Variants in RABL3 observed in about 807,000 individuals in gnomAD.
RABL3 encodes RAB, member of RAS oncogene family like 3.
A neutral mutation model predicts 31.8 loss-of-function variants in RABL3; 31 were observed. The observed-to-expected ratio is 0.97, with a 90% confidence interval of 0.73 to 1.31. RABL3 has a LOEUF of 1.31. Among genes scored for constraint, RABL3 ranks in the 40% most tolerant of loss-of-function variants. The pLI is 0.00. For synonymous variants in RABL3, 97 were observed against 99.9 expected (o/e 0.97, Z 0.18); for missense variants, 263 against 279.6 (o/e 0.94, Z 0.42).
At chr3:120,724,398 C>T (rs1008895429) in intron 2 of RABL3, among the ~76,000 whole-genome samples, 14 of 152,258 alleles carry the variant, frequency 9.2e-5, no homozygotes, top group Middle Eastern at 3.4e-3. Context: ...AGATTCAATG[C>T]CATCCCCATC....
Position 120,690,488 on chromosome 3 carries a change from C to T in RABL3, c.607-1G>A. On this transcript the variant is annotated splice_acceptor_variant, in intron 6 of 7. Coordinates refer to ENST00000273375, the MANE Select transcript of RABL3 (RefSeq NM_173825.5). LOFTEE classifies it high-confidence loss of function. ...TTAAAAAGTATCTCTTCTCTATGAC[C>T]TGTGAAAAACAAAGATTTTAAAGGC... 6.2e-7 allele frequency: 1 copy of T among 1,603,274 alleles called. No homozygotes were observed. The highest frequency in any genetic ancestry group is 8.5e-7 in the Non-Finnish European group (1 of 1,170,800).
At chr3:120,726,225 A>G (rs760770839) in intron 2 of RABL3, among the ~76,000 whole-genome samples, 12 of 152,168 alleles carry the variant, frequency 7.9e-5, no homozygotes, top group Non-Finnish European at 1.3e-4. Flanking sequence ...GGTAAGGTGC[A>G]TTTTATAACA....
At position 120,709,853 on chromosome 3, in the gene RABL3, C is replaced by T. The variant is rs1406573606; in HGVS notation, c.195G>A (p.Trp65Ter). 1.9e-6 allele frequency: 3 copies of T among 1,611,206 alleles called. No homozygotes were observed. Among genetic ancestry groups the T allele is most frequent in the Non-Finnish European group, 2.5e-6 (3 of 1,177,552 alleles). ...PEEKTYYIELWDVGGSVGSAS... is the reference protein window; with the variant it reads ...PEEKTYYIEL ...CACTGCCCACAGAGCCTCCAACATC[C>T]CATAATTCTATGTAGTAGGTCTTCT... is the stretch of plus-strand genomic sequence containing the variant. The change falls in exon 3 of 8, where the codon TGG becomes TGA. Residue 65 changes from tryptophan (W) to a stop codon, truncating the protein, a stop_gained. Coordinates refer to ENST00000273375, the MANE Select transcript of RABL3 (RefSeq NM_173825.5). LOFTEE classifies it high-confidence loss of function.
chr3:120,696,924 T>A (rs562586023), intron 5 of RABL3, among the ~76,000 whole-genome samples: 1 of 151,800 alleles, frequency 6.6e-6, no homozygotes, highest in Non-Finnish European at 1.5e-5. Context: ...TAAAAAACAA[T>A]GGAATGGCAG....
At position 120,705,848 on chromosome 3, in the gene RABL3, A is replaced by C. The variant is rs6809677; in HGVS notation, c.383+152T>G. On this transcript the variant is annotated intron_variant, in intron 4 of 7. Transcript: ENST00000273375. ...ATCAGACTTCATCAAAATGAAAACT[A>C]TTGCTTTGTGAAAGATACTGTTAAA... 2.4e-3 allele frequency: 1,564 copies of C among 639,014 alleles called. 25 individuals carry two copies. In the African/African-American group the frequency reaches 0.026, roughly 11 times the overall value. The allele number at this position is 639,014 out of a possible 1,614,324, so 39.6% of individuals were successfully genotyped here. A position where few individuals can be genotyped will look rare whatever the true frequency, so the allele number is the denominator to read the frequency against.
intron 2 of RABL3, among the ~76,000 whole-genome samples, chr3:120,720,634 A>G (rs1213599798): frequency 6.6e-6 from 1 of 152,222 alleles, no homozygotes; most frequent in African/African-American, 2.4e-5. Flanking sequence ...AATTTTAGAG[A>G]AAAAAGAATA....
chr3:120,712,108 A>G (rs1708619156), intron 2 of RABL3, among the ~76,000 whole-genome samples: 1 of 152,202 alleles, frequency 6.6e-6, no homozygotes, highest in South Asian at 2.1e-4. Flanking sequence ...ATTCAACTTA[A>G]TGCTTTACAC....
intron 1 of RABL3, among the ~76,000 whole-genome samples, chr3:120,741,279 C>A (rs1709039672): frequency 6.6e-6 from 1 of 152,204 alleles, no homozygotes; most frequent in Non-Finnish European, 1.5e-5. Flanking sequence ...TGATTATGTT[C>A]ATTAAGTTTC....
At position 120,691,979 on chromosome 3, in the gene RABL3, A is replaced by C. The variant is rs554895500; in HGVS notation, c.607-1492T>G. ...TATAGCTGGATTATTTTTAGCCACA[A>C]GACACCAGGGCAAAGTTGCATTCAC... On this transcript the variant is annotated intron_variant, in intron 6 of 7. Transcript: ENST00000273375. 5.3e-5 allele frequency among the ~76,000 whole-genome samples: 8 copies of C among 152,330 alleles called. No individual in the cohort carries two copies. The South Asian group carries it at 1.7e-3, about 32-fold the overall frequency.
At chr3:120,704,420 C>T (rs907103680) in intron 4 of RABL3, among the ~76,000 whole-genome samples, 11 of 152,240 alleles carry the variant, frequency 7.2e-5, no homozygotes, top group Non-Finnish European at 1.5e-5. Context: ...AAGAAATGTT[C>T]TCAACCTGAT....
chr3:120,734,458 T>A (rs923833138), intron 1 of RABL3, among the ~76,000 whole-genome samples: 8 of 152,060 alleles, frequency 5.3e-5, no homozygotes, highest in Non-Finnish European at 4.4e-5. Flanking sequence ...GACGATGGGG[T>A]TTTCTGGATA....
In RABL3 at chr3:120,735,078, T is replaced by A. The variant is rs185384923; in HGVS notation, c.47-4291A>T. On this transcript the variant is annotated intron_variant, in intron 1 of 7. Coordinates refer to ENST00000273375, the MANE Select transcript of RABL3 (RefSeq NM_173825.5). ...CCTCGTAAAATGAGTTAGGGAGGGTTCCCTCTTTTTCCGTTGATTGGAATA... is the reference window on the plus strand; with the variant it reads ...CCTCGTAAAATGAGTTAGGGAGGGTACCCTCTTTTTCCGTTGATTGGAATA... Among the ~76,000 whole-genome samples, 167 of 152,354 alleles carry A rather than the reference T, an allele frequency of 1.1e-3. 1 individual carries two copies. Among genetic ancestry groups the A allele is most frequent in the Non-Finnish European group, 2.1e-3 (142 of 68,036 alleles).
intron 5 of RABL3, among the ~76,000 whole-genome samples, chr3:120,695,813 T>C (rs1032634784): frequency 6.6e-6 from 1 of 152,110 alleles, no homozygotes; most frequent in Non-Finnish European, 1.5e-5. Flanking sequence ...TAAATAGAGC[T>C]GAAGTACTAA....
intron 1 of RABL3, among the ~76,000 whole-genome samples, chr3:120,739,306 G>C (rs1019415675): frequency 6.6e-6 from 1 of 152,212 alleles, no homozygotes; most frequent in South Asian, 2.1e-4. Context: ...GAACCCAGGA[G>C]GCAGAGGCTG....
chr3:120,726,143 T>C (rs1708818090), intron 2 of RABL3, among the ~76,000 whole-genome samples: 2 of 152,250 alleles, frequency 1.3e-5, no homozygotes, highest in African/African-American at 4.8e-5. Context: ...TAAAAGTTTT[T>C]CTGTCTCATA....
chr3:120,722,378 G>T (rs1340338935), intron 2 of RABL3: 1 of 152,090 alleles, frequency 6.6e-6, no homozygotes, highest in African/African-American at 2.4e-5. Flanking sequence ...TAACCTCTAT[G>T]ACTTTTTCAA....
chr3:120,732,584 T>A (rs1448371271), intron 1 of RABL3, among the ~76,000 whole-genome samples: 1 of 152,182 alleles, frequency 6.6e-6, no homozygotes, highest in Non-Finnish European at 1.5e-5. Flanking sequence ...ATTATTATAC[T>A]TTAAGTTCTA....
chr3:120,720,771 ATC>A (rs1708729700), intron 2 of RABL3, among the ~76,000 whole-genome samples: 1 of 152,392 alleles, frequency 6.6e-6, no homozygotes, highest in South Asian at 2.1e-4. Flanking sequence ...GCAGGATATT[ATC>A]TAGGAGAACT....
rs113522391 is a variant in RABL3, at chr3:120,740,944, T to C, written c.46+1518A>G. 9.1e-3 allele frequency among the ~76,000 whole-genome samples: 1,391 copies of C among 152,304 alleles called. 12 individuals are homozygous for C. The highest frequency in any genetic ancestry group is 0.017 in the Middle Eastern group (5 of 294). On this transcript the variant is annotated intron_variant, in intron 1 of 7. Transcript: ENST00000273375. ...AATGTAGCTGCTAATTCTATCCCTG[T>C]TATATGACGCATTAATTCCACAGTT...
Sources: allele counts gnomAD v4.1 joint callset (sites outside exome capture counted in the v4.1 genomes callset), GRCh38; gene constraint gnomAD v4.1.1; transcripts MANE v1.5; gene names NCBI Gene and HGNC (gene_info 2026-07-23, HGNC 2026-07-21).